The following ICOS variants were observed in gnomAD, a reference collection of about 807,000 sequenced individuals.
ICOS encodes the protein inducible T-cell costimulator.
ICOS carries 15 observed loss-of-function variants against 24.6 expected under a neutral mutation model. The observed-to-expected ratio is 0.61, with a 90% confidence interval of 0.41 to 0.94. The LOEUF (loss-of-function observed/expected upper bound fraction) is 0.94, where lower values mean the gene tolerates loss of function less well. Ranked by LOEUF, ICOS falls within the 40% of genes least tolerant of loss-of-function variation. The probability of loss-of-function intolerance (pLI) is 0.00; values close to 1 mark genes in which losing one functional copy is unlikely to be tolerated. For missense variants in ICOS, 200 were observed against 233.0 expected, an observed-to-expected ratio of 0.86 and a Z score of 0.92; for synonymous variants, 89 against 77.5, an observed-to-expected ratio of 1.15 and a Z score of -0.78.
intron 1 of ICOS, among the ~76,000 whole-genome samples, chr2:203,948,299 C>T (rs759686832): frequency 1.3e-5 from 2 of 152,064 alleles, no homozygotes; most frequent in Non-Finnish European, 2.9e-5. Flanking sequence ...GATCATGCCC[C>T]AGCTATGAGC....
intron 1 of ICOS, among the ~76,000 whole-genome samples, chr2:203,952,706 T>G (rs941920002): frequency 8.5e-5 from 13 of 152,182 alleles, no homozygotes; most frequent in Non-Finnish European, 1.8e-4. Flanking sequence ...TGTAGGTTCT[T>G]TTTCAAATTA....
chr2:203,960,332 T>C lies in ICOS; in HGVS notation c.*733T>C, dbSNP rs901874496. ...AGTTTTATATATCTATGCATACATA[T>C]ATACACACATATGTATATAAAATTC... is the stretch of plus-strand genomic sequence containing the variant. On this transcript the variant is annotated 3_prime_UTR_variant, in exon 5 of 5. Transcript: ENST00000316386. The C allele has an allele frequency of 2.6e-5, 4 of 152,792 alleles. No homozygotes were observed. The highest frequency in any genetic ancestry group is 9.7e-5 in the African/African-American group (4 of 41,432). 9.5% of individuals were successfully genotyped at this position (152,792 alleles called of 1,614,324 possible). A position where few individuals can be genotyped will look rare whatever the true frequency, so the allele number is the denominator to read the frequency against.
At chr2:203,941,968 A>C (rs1331015025) in intron 1 of ICOS, among the ~76,000 whole-genome samples, 1 of 152,144 alleles carries the variant, frequency 6.6e-6, no homozygotes, top group Non-Finnish European at 1.5e-5. Context: ...TAACATAATG[A>C]TGCTTGTATC....
rs201541787 is a variant in ICOS at position 203,951,029 on chromosome 2, T to C, written c.59-4607T>C. On this transcript the variant is annotated intron_variant, in intron 1 of 4. Coordinates refer to ENST00000316386, the MANE Select transcript of ICOS (RefSeq NM_012092.4). ...GAGCTGAGATTGCACCACTGCACTCTAGCCTGCTGGTGACAGAACAAGACT... is the reference window on the plus strand; with the variant it reads ...GAGCTGAGATTGCACCACTGCACTCCAGCCTGCTGGTGACAGAACAAGACT... Among the ~76,000 whole-genome samples the C allele has an allele frequency of 3.3e-5, 5 of 150,740 alleles. No individual in the cohort carries two copies. The East Asian group carries it at 5.9e-4, about 18-fold the overall frequency.
Position 203,959,787 on chromosome 2 carries a change from T to C in ICOS, c.*188T>C, listed in dbSNP as rs1690145110. On this transcript the variant is annotated 3_prime_UTR_variant, in exon 5 of 5. Coordinates refer to ENST00000316386, the MANE Select transcript of ICOS (RefSeq NM_012092.4). ...GGATTTTAACAGACTGCCTTGGTACTGCCGAGTCCTCTCAAAACAAACACC... is the reference window on the plus strand; with the variant it reads ...GGATTTTAACAGACTGCCTTGGTACCGCCGAGTCCTCTCAAAACAAACACC... 2 of 666,836 alleles carry C rather than the reference T, an allele frequency of 3.0e-6. No homozygotes were observed. Among genetic ancestry groups the C allele is most frequent in the African/African-American group, 1.8e-5 (1 of 55,680 alleles). 41.3% of individuals were successfully genotyped at this position (666,836 alleles called of 1,614,324 possible).
Position 203,956,838 on chromosome 2 carries a change from C to G in ICOS, c.501+73C>G, listed in dbSNP as rs555880591. On this transcript the variant is annotated intron_variant, in intron 3 of 4. Coordinates refer to ENST00000316386, the MANE Select transcript of ICOS (RefSeq NM_012092.4). ...AGTGATTATTTCCTCATCAAAAGTA[C>G]ACATGGCTCTTGTCAGAGTAATTTG... is the stretch of plus-strand genomic sequence containing the variant. The G allele has an allele frequency of 1.2e-5, 12 of 1,004,700 alleles. No individual in the cohort carries two copies. The South Asian group carries it at 1.6e-4, about 13-fold the overall frequency. 62.2% of individuals were successfully genotyped at this position (1,004,700 alleles called of 1,614,324 possible). A position where few individuals can be genotyped will look rare whatever the true frequency, so the allele number is the denominator to read the frequency against.
At chr2:203,956,809 C>T (rs1192325801) in intron 3 of ICOS, 44 bp downstream of exon 3, 1 of 1,224,812 alleles carries the variant, frequency 8.2e-7, no homozygotes, top group African/African-American at 1.5e-5. Flanking sequence ...TACAGATGCA[C>T]ATCAGTGATT....
chr2:203,948,815 G>A (rs1020375555), intron 1 of ICOS, among the ~76,000 whole-genome samples: 1 of 152,234 alleles, frequency 6.6e-6, no homozygotes, highest in Non-Finnish European at 1.5e-5. Flanking sequence ...GTGAAAATCA[G>A]AGAGAATGTT....
At chr2:203,947,386 G>A (rs1256882171) in intron 1 of ICOS, among the ~76,000 whole-genome samples, 2 of 151,990 alleles carry the variant, frequency 1.3e-5, no homozygotes, top group Non-Finnish European at 2.9e-5. Flanking sequence ...TCGGCTCACT[G>A]CAACCTCTGA....
intron 1 of ICOS, among the ~76,000 whole-genome samples, chr2:203,940,860 T>C (rs898605156): frequency 6.6e-6 from 1 of 152,126 alleles, no homozygotes; most frequent in African/African-American, 2.4e-5. Flanking sequence ...CTCGGCTTAC[T>C]GCAACCTCCA....
At chr2:203,939,366 A>C (rs371643186) in intron 1 of ICOS, among the ~76,000 whole-genome samples, 1 of 152,074 alleles carries the variant, frequency 6.6e-6, no homozygotes, top group Non-Finnish European at 1.5e-5. Context: ...GAATTTAACA[A>C]AGTCTTGTTT....
intron 1 of ICOS, among the ~76,000 whole-genome samples, chr2:203,946,172 T>G (rs1221474629): frequency 6.6e-6 from 1 of 152,244 alleles, no homozygotes; most frequent in Non-Finnish European, 1.5e-5. Flanking sequence ...AATTAATTGC[T>G]TTGTGAATAT....
chr2:203,959,484 G>A (rs1690134239), intron 4 of ICOS, 102 bp from the exon 5 acceptor site: 3 of 889,260 alleles, frequency 3.4e-6, no homozygotes, highest in Admixed American at 3.4e-5. Flanking sequence ...GTGTGCACGT[G>A]TGTGTTTGTG....
intron 1 of ICOS, among the ~76,000 whole-genome samples, chr2:203,946,091 CAT>C (rs1689862790): frequency 2.0e-5 from 3 of 152,264 alleles, no homozygotes; most frequent in Non-Finnish European, 2.9e-5. Context: ...CATTTAATCT[CAT>C]ATGATTTCCC....
intron 4 of ICOS, 145 bp from the exon 5 acceptor site, chr2:203,959,441 A>G: frequency 1.4e-6 from 1 of 740,138 alleles, no homozygotes; most frequent in Non-Finnish European, 2.4e-6. Context: ...ATGAGTTTGC[A>G]TGGTGTGTGT....
Position 203,956,725 on chromosome 2 carries a change from G to T in ICOS, c.461G>T (p.Cys154Phe), listed in dbSNP as rs1690083718. Residue 154 changes from cysteine to phenylalanine, a missense_variant, in exon 3 of 5, where the codon TGC (cysteine) becomes TTC (phenylalanine). Transcript: ENST00000316386. ...GGATGTGCAGCCTTTGTTGTAGTCTGCATTTTGGGATGCATACTTATTTGT... is the reference window on the plus strand; with the variant it reads ...GGATGTGCAGCCTTTGTTGTAGTCTTCATTTTGGGATGCATACTTATTTGT... ...PIGCAAFVVV[C>F]ILGCILICWL... is the part of the protein sequence containing the mutation. 6.2e-7 allele frequency: 1 copy of T among 1,613,252 alleles called. No individual in the cohort carries two copies. Among genetic ancestry groups the T allele is most frequent in the East Asian group, 2.2e-5 (1 of 44,850 alleles).
rs55877101 is a variant in ICOS, at chr2:203,955,482, C to T, written c.59-154C>T. On this transcript the variant is annotated intron_variant, in intron 1 of 4. Coordinates refer to ENST00000316386, the MANE Select transcript of ICOS (RefSeq NM_012092.4). ...GGACATAGTTTTATCTTATGTTCTT[C>T]CTTGAGGGGTGGAGGGAGAATGTGA... 7.8e-4 allele frequency among the ~76,000 whole-genome samples: 118 copies of T among 151,834 alleles called. 2 individuals carry two copies. In the East Asian group the frequency reaches 0.022, roughly 28 times the overall value.
chr2:203,945,805 A>G (rs1559033457), intron 1 of ICOS, among the ~76,000 whole-genome samples: 1 of 152,240 alleles, frequency 6.6e-6, no homozygotes, highest in Non-Finnish European at 1.5e-5. Context: ...TCAGTTTGGA[A>G]AGGCTATACA....
intron 1 of ICOS, among the ~76,000 whole-genome samples, chr2:203,942,361 C>T (rs1055728686): frequency 6.6e-6 from 1 of 152,168 alleles, no homozygotes; most frequent in Non-Finnish European, 1.5e-5. Flanking sequence ...ATGAAATTTA[C>T]TTCTATATGT....
Sources: allele counts gnomAD v4.1 joint callset (sites outside exome capture counted in the v4.1 genomes callset), GRCh38; gene constraint gnomAD v4.1.1; transcripts MANE v1.5; gene names NCBI Gene and HGNC (gene_info 2026-07-23, HGNC 2026-07-21).